The following TBXAS1 variants were observed in gnomAD, a reference collection of about 807,000 sequenced individuals.
TBXAS1 encodes the protein thromboxane-A synthase.
TBXAS1 carries 48 observed loss-of-function variants against 60.7 expected under a neutral mutation model. The ratio of observed to expected loss-of-function variants is 0.79; its 90% CI spans 0.63 to 1.01. The LOEUF is 1.01. Among genes scored for constraint, TBXAS1 ranks in the 50% least tolerant of loss-of-function variants. The pLI, the probability that TBXAS1 is intolerant of heterozygous loss-of-function variation, is 0.00. For synonymous variants in TBXAS1, 287 were observed against 269.7 expected (o/e 1.06, Z -0.63); for missense variants, 685 against 686.3 (o/e 1.00, Z 0.02).
intron 9 of TBXAS1, among the ~76,000 whole-genome samples, chr7:139,980,770 A>C (rs1811906737): frequency 6.6e-6 from 1 of 151,694 alleles, no homozygotes; most frequent in African/African-American, 2.4e-5. Context: ...CTGTCTCCTG[A>C]GCCTGGCCTG....
At chr7:139,860,579 T>C (rs1055524387) in intron 1 of TBXAS1, among the ~76,000 whole-genome samples, 4 of 151,898 alleles carry the variant, frequency 2.6e-5, no homozygotes, top group African/African-American at 9.7e-5. Flanking sequence ...AATCATGAGG[T>C]CCTTATAAAA....
chr7:139,957,806 G>C (rs891473396), intron 8 of TBXAS1, 42 bp downstream of exon 8: 2 of 1,612,878 alleles, frequency 1.2e-6, no homozygotes, highest in African/African-American at 1.3e-5. Context: ...ATGGAATGGA[G>C]CCGACTTTGG....
At chr7:139,888,588 G>T (rs1230926653) in intron 3 of TBXAS1, among the ~76,000 whole-genome samples, 1 of 151,940 alleles carries the variant, frequency 6.6e-6, no homozygotes, top group East Asian at 1.9e-4. Context: ...TTCCCCTCTT[G>T]TACCCCACAG....
Position 139,940,290 on chromosome 7 carries a change from C to T in TBXAS1, c.450+3983C>T, listed in dbSNP as rs1315007966. The stretch of plus-strand genomic sequence containing the variant: ...ATGAGAAGTGTCCTATATTCCTCCC[C>T]AAAACCTCCTGGTTTCTGGATGCTT... On this transcript the variant is annotated intron_variant, in intron 5 of 12. Coordinates refer to ENST00000448866, the MANE Select transcript of TBXAS1 (RefSeq NM_001061.7). Among the ~76,000 whole-genome samples, 5 of 152,122 alleles carry T rather than the reference C, an allele frequency of 3.3e-5. No homozygotes were observed. In the East Asian group the frequency reaches 9.6e-4, roughly 29 times the overall value.
intron 3 of TBXAS1, among the ~76,000 whole-genome samples, chr7:139,893,227 A>C (rs4726434): frequency 0.55 from 83,236 of 151,492 alleles, 23,466 homozygotes; most frequent in African/African-American, 0.67. Context: ...TTTTTCCCAG[A>C]CCGTGTATTC....
intron 3 of TBXAS1, among the ~76,000 whole-genome samples, chr7:139,904,939 TCTTC>T (rs772718343): frequency 1.3e-5 from 2 of 152,036 alleles, no homozygotes; most frequent in Non-Finnish European, 2.9e-5. Context: ...CTCCTTTCTT[TCTTC>T]CTTCCTTCCT....
intron 4 of TBXAS1, among the ~76,000 whole-genome samples, chr7:139,933,179 T>C (rs1807471720): frequency 6.6e-6 from 1 of 152,202 alleles, no homozygotes; most frequent in Non-Finnish European, 1.5e-5. Flanking sequence ...CACAGTGTCA[T>C]GGCATGCTGG....
intron 11 of TBXAS1, among the ~76,000 whole-genome samples, chr7:140,017,139 C>A (rs565617089): frequency 1.3e-5 from 2 of 152,344 alleles, no homozygotes; most frequent in South Asian, 4.1e-4. Context: ...CAGGGGCCTG[C>A]AAAGCAAACA....
At chr7:139,903,803 G>GC (rs1202089884) in intron 3 of TBXAS1, among the ~76,000 whole-genome samples, 1 of 151,614 alleles carries the variant, frequency 6.6e-6, no homozygotes, top group East Asian at 1.9e-4. Context: ...GGGATTGTTT[G>GC]TTTTTTTCTT....
Position 140,004,161 on chromosome 7 carries a change from C to T in TBXAS1, c.1135-2930C>T, listed in dbSNP as rs1302494224. Among the ~76,000 whole-genome samples the T allele has an allele frequency of 6.6e-6, 1 of 152,230 alleles. No individual in the cohort carries two copies. Among genetic ancestry groups the T allele is most frequent in the Non-Finnish European group, 1.5e-5 (1 of 68,040 alleles). On this transcript the variant is annotated intron_variant, in intron 9 of 12. Transcript: ENST00000448866. This position sits in a 1 kb window ranked among gnomAD's most constrained non-coding sequence, Gnocchi z 5.1. ...CAGATCGAAATTTCCAGACTGGCCC[C>T]TTTGGGCCAGTCAATCTTGGCCTGC...
chr7:139,889,248 C>T (rs774410349), intron 3 of TBXAS1, among the ~76,000 whole-genome samples: 15 of 150,692 alleles, frequency 1.0e-4, no homozygotes, highest in South Asian at 2.1e-4. Flanking sequence ...ATAGGAGGAT[C>T]GCTTGAGCCA....
In TBXAS1 at chr7:139,917,835, A is replaced by G. The variant is rs543202318; in HGVS notation, c.333+6514A>G. On this transcript the variant is annotated intron_variant, in intron 4 of 12. Transcript: ENST00000448866. The stretch of plus-strand genomic sequence containing the variant: ...TGGTTCAGCAGGAAGCTATCTTTAT[A>G]TATTTTTTTAACAAAAAGAAATTAG... 2.0e-5 allele frequency among the ~76,000 whole-genome samples: 3 copies of G among 152,306 alleles called. No homozygotes were observed. In the South Asian group the frequency reaches 6.2e-4, roughly 32 times the overall value.
At chr7:139,893,678 A>G (rs1486086409) in intron 3 of TBXAS1, among the ~76,000 whole-genome samples, 1 of 152,228 alleles carries the variant, frequency 6.6e-6, no homozygotes, top group Non-Finnish European at 1.5e-5. Flanking sequence ...TGTAATCTTC[A>G]GTGTCCTTCA....
At chr7:139,818,534 A>G (rs1232691931) in intron 4 of TBXAS1, among the ~76,000 whole-genome samples, 5 of 152,058 alleles carry the variant, frequency 3.3e-5, no homozygotes, top group Non-Finnish European at 5.9e-5. Context: ...TCTTATTTCT[A>G]TACTGCCATT....
chr7:140,007,441 C>A (rs1206665744), intron 10 of TBXAS1, among the ~76,000 whole-genome samples: 1 of 152,254 alleles, frequency 6.6e-6, no homozygotes, highest in African/African-American at 2.4e-5. Flanking sequence ...CCTTTGGTCT[C>A]CTAGCCTTTG....
Position 140,015,818 on chromosome 7 carries a change from A to T in TBXAS1, c.1322A>T (p.Asp441Val). ...ATGGCCGTGGGTGCCCTGCACCATGACCCTGAGCACTGGCCAAGCCCGGAG... is the reference window on the plus strand; with the variant it reads ...ATGGCCGTGGGTGCCCTGCACCATGTCCCTGAGCACTGGCCAAGCCCGGAG... Reference protein sequence around the residue: ...LEMAVGALHHDPEHWPSPETF... With the variant: ...LEMAVGALHHVPEHWPSPETF... Residue 441 changes from aspartate to valine, a missense_variant, in exon 11 of 13, where the codon GAC becomes GTC. Coordinates refer to ENST00000448866, the MANE Select transcript of TBXAS1 (RefSeq NM_001061.7). 2 of 1,613,782 alleles carry T rather than the reference A, an allele frequency of 1.2e-6. No homozygotes were observed.
Position 139,962,202 on chromosome 7 carries a change from TGA to T in TBXAS1, c.1109_1110del (p.Glu370GlyfsTer5), listed in dbSNP as rs748473096. ...AACCCTGACTGCCAAGAGAAGCTTCTGAGAGAGGTAGACGTTTTTAAGGAGAA... is the reference window on the plus strand; with the variant it reads ...AACCCTGACTGCCAAGAGAAGCTTCTGAGAGGTAGACGTTTTTAAGGAGAA... On this transcript the variant is annotated frameshift_variant, in exon 9 of 13. Coordinates refer to ENST00000448866, the MANE Select transcript of TBXAS1 (RefSeq NM_001061.7). LOFTEE classifies it high-confidence loss of function. The T allele has an allele frequency of 2.0e-5, 32 of 1,614,072 alleles. No homozygotes were observed. The highest frequency in any genetic ancestry group is 2.7e-5 in the Non-Finnish European group (32 of 1,180,028).
chr7:139,850,487 C>T lies in TBXAS1; in HGVS notation c.89+21008C>T, dbSNP rs182530794. ...GGTGTGGAAGATCCTTCCCCACCCA[C>T]ACCCACACATGGGGTATTATTTGGG... On this transcript the variant is annotated intron_variant, in intron 1 of 12. Transcript: ENST00000448866. Among the ~76,000 whole-genome samples the T allele has an allele frequency of 1.2e-3, 181 of 152,352 alleles. 1 individual carries two copies. The highest frequency in any genetic ancestry group is 4.2e-3 in the African/African-American group (173 of 41,576).
chr7:139,904,467 T>C (rs1463794627), intron 3 of TBXAS1, among the ~76,000 whole-genome samples: 1 of 152,214 alleles, frequency 6.6e-6, no homozygotes, highest in Admixed American at 6.5e-5. Context: ...GAATTCTTTT[T>C]TCTAATTCTG....
Sources: allele counts gnomAD v4.1 joint callset (sites outside exome capture counted in the v4.1 genomes callset), GRCh38; gene constraint gnomAD v4.1.1; non-coding constraint Gnocchi (gnomAD v3.1); transcripts MANE v1.5; gene names NCBI Gene and HGNC (gene_info 2026-07-23, HGNC 2026-07-21).